ADGB: variants seen among roughly 807,000 people sequenced by gnomAD.
ADGB encodes the protein androglobin.
In ADGB, 172 loss-of-function variants were observed where a neutral mutation model predicts 210.5. The ratio of observed to expected loss-of-function variants is 0.82; its 90% CI spans 0.72 to 0.93. ADGB has a LOEUF of 0.93. Among genes scored for constraint, ADGB ranks in the 40% least tolerant of loss-of-function variants. The pLI is 0.00. For missense variants in ADGB, 2,025 were observed against 1,964.8 expected (o/e 1.03, Z -0.58); for synonymous variants, 658 against 662.7 (o/e 0.99, Z 0.11).
chr6:146,601,231 A>G (rs769403951), intron 1 of ADGB, among the ~76,000 whole-genome samples: 9 of 152,182 alleles, frequency 5.9e-5, no homozygotes, highest in Non-Finnish European at 1.2e-4. Flanking sequence ...TTTCTTTTTG[A>G]GATGGTAATA....
chr6:146,769,104 A>G lies in ADGB; in HGVS notation c.3835A>G (p.Lys1279Glu). Reference sequence around the variant, plus strand: ...CCAGCTGACATTTGTTCAAGCACTGAAAGACTTAAAGAAAAGTAATACCAA... The same window carrying G: ...CCAGCTGACATTTGTTCAAGCACTGGAAGACTTAAAGAAAAGTAATACCAA... ...ESQLTFVQAL[K>E]DLKKSNTKAY... is the part of the protein sequence containing the mutation. The change falls in exon 29 of 36, where the codon AAA becomes GAA. Residue 1279 changes from lysine (K) to glutamate (E), a missense_variant. Lys to Glu is a moderately conservative substitution (Grantham distance 56). Coordinates refer to ENST00000397944, the MANE Select transcript of ADGB (RefSeq NM_024694.4). The G allele has an allele frequency of 6.6e-7, 1 of 1,524,266 alleles. No individual in the cohort carries two copies. Among genetic ancestry groups the G allele is most frequent in the Non-Finnish European group, 8.9e-7 (1 of 1,127,688 alleles). The allele number at this position is 1,524,266 out of a possible 1,614,324, so 94.4% of individuals were successfully genotyped here.
At chr6:146,788,723 C>G in intron 33 of ADGB, 113 bp downstream of exon 33, 1 of 969,166 alleles carries the variant, frequency 1.0e-6, no homozygotes, top group Non-Finnish European at 1.5e-6. Context: ...GAAAAGATGT[C>G]TTTCCGATAT....
intron 4 of ADGB, among the ~76,000 whole-genome samples, chr6:146,655,698 C>T (rs1349486418): frequency 1.3e-5 from 2 of 152,024 alleles, no homozygotes; most frequent in African/African-American, 4.8e-5. Flanking sequence ...ATAAAATACA[C>T]CTATTTAATG....
chr6:146,715,745 T>C lies in ADGB; in HGVS notation c.1741+330T>C, dbSNP rs79757218. The stretch of plus-strand genomic sequence containing the variant: ...TGGCCAAGAATTGAATTCAAAATTA[T>C]ATATATATTTTTGGATCCAGAAGTC... On this transcript the variant is annotated intron_variant, in intron 14 of 35. Transcript: ENST00000397944. 2.9e-3 allele frequency among the ~76,000 whole-genome samples: 439 copies of C among 152,196 alleles called. 3 individuals carry two copies. The highest frequency in any genetic ancestry group is 0.01 in the African/African-American group (420 of 41,528).
At chr6:146,771,263 G>C (rs898818653) in intron 29 of ADGB, among the ~76,000 whole-genome samples, 3 of 151,768 alleles carry the variant, frequency 2.0e-5, no homozygotes, top group Non-Finnish European at 4.4e-5. Flanking sequence ...AGGTTTCCTG[G>C]ACCCACCTAA....
At chr6:146,618,476 C>A (rs377492560) in intron 1 of ADGB, among the ~76,000 whole-genome samples, 16 of 151,960 alleles carry the variant, frequency 1.1e-4, no homozygotes, top group South Asian at 6.2e-4. Flanking sequence ...GGTCTTTCTA[C>A]TTTTTTGATG....
chr6:146,738,480 C>T (rs974579476), intron 23 of ADGB, among the ~76,000 whole-genome samples: 1 of 118,860 alleles, frequency 8.4e-6, no homozygotes, highest in African/African-American at 3.1e-5. Flanking sequence ...GATGGAGTCT[C>T]GCTGTGTCAC....
chr6:146,694,709 GACA>G (rs1313794264), intron 12 of ADGB, among the ~76,000 whole-genome samples: 2 of 151,970 alleles, frequency 1.3e-5, no homozygotes, highest in Admixed American at 6.6e-5. Context: ...TCAAATATTT[GACA>G]ACAATTATAT....
At chr6:146,682,139 A>G (rs897343083) in intron 9 of ADGB, among the ~76,000 whole-genome samples, 2 of 152,142 alleles carry the variant, frequency 1.3e-5, no homozygotes, top group Admixed American at 6.6e-5. Flanking sequence ...ATGGATTTAT[A>G]GTAATTTGGG....
intron 27 of ADGB, among the ~76,000 whole-genome samples, chr6:146,760,450 T>C (rs544284037): frequency 9.9e-5 from 15 of 152,004 alleles, no homozygotes; most frequent in African/African-American, 3.6e-4. Flanking sequence ...TTTCTATCTA[T>C]GTTTCTGAGT....
At chr6:146,744,506 G>A (rs1777200896) in intron 25 of ADGB, among the ~76,000 whole-genome samples, 1 of 152,120 alleles carries the variant, frequency 6.6e-6, no homozygotes, top group Non-Finnish European at 1.5e-5. Context: ...TTAAGAATAG[G>A]TTTTATCTTT....
At chr6:146,660,887 G>A (rs1013796815) in intron 5 of ADGB, among the ~76,000 whole-genome samples, 3 of 151,996 alleles carry the variant, frequency 2.0e-5, no homozygotes, top group African/African-American at 7.3e-5. Context: ...ATTGAAGTCT[G>A]TGATTTTATT....
chr6:146,601,921 C>T (rs1480407152), intron 1 of ADGB, among the ~76,000 whole-genome samples: 8 of 152,132 alleles, frequency 5.3e-5, no homozygotes, highest in African/African-American at 1.4e-4. Flanking sequence ...TGAATTTGAT[C>T]GAAGCCCAAT....
At chr6:146,728,788 C>A (rs914929456) in intron 20 of ADGB, 47 bp downstream of exon 20, 1 of 1,428,686 alleles carries the variant, frequency 7.0e-7, no homozygotes, top group South Asian at 1.5e-5. Context: ...ACTTTCTTTT[C>A]AAAATGGTAT....
intron 1 of ADGB, 84 bp downstream of exon 1, chr6:146,599,198 A>T (rs1780515481): frequency 7.7e-7 from 1 of 1,300,200 alleles, no homozygotes; most frequent in Non-Finnish European, 1.1e-6. Flanking sequence ...CCCTGCAGCA[A>T]ACTGTGCCAG....
chr6:146,630,251 AAATAAAAAT>A, intron 1 of ADGB, among the ~76,000 whole-genome samples: 1 of 152,198 alleles, frequency 6.6e-6, no homozygotes, highest in Middle Eastern at 3.4e-3. Flanking sequence ...ATAAAAATAA[AAATAAAAAT>A]AAAAGAAAGA....
chr6:146,673,214 A>G (rs1776039870), intron 8 of ADGB, among the ~76,000 whole-genome samples: 1 of 152,240 alleles, frequency 6.6e-6, no homozygotes, highest in African/African-American at 2.4e-5. Flanking sequence ...GGGCATTGGG[A>G]CATATGGACA....
chr6:146,791,635 G>A (rs995459260), intron 33 of ADGB, among the ~76,000 whole-genome samples: 2 of 152,046 alleles, frequency 1.3e-5, no homozygotes, highest in East Asian at 1.9e-4. Context: ...GAGCCACCCT[G>A]GCCTAAGCTG....
chr6:146,714,931 C>T (rs2114562635), intron 13 of ADGB, among the ~76,000 whole-genome samples: 1 of 152,262 alleles, frequency 6.6e-6, no homozygotes, highest in East Asian at 1.9e-4. Context: ...AAAAGTTATA[C>T]ACATGAATTC....
Sources: allele counts gnomAD v4.1 joint callset (sites outside exome capture counted in the v4.1 genomes callset), GRCh38; gene constraint gnomAD v4.1.1; transcripts MANE v1.5; gene names NCBI Gene and HGNC (gene_info 2026-07-23, HGNC 2026-07-21).